Variants in ASIC2 observed in about 807,000 individuals in gnomAD.
ASIC2 encodes acid sensing ion channel subunit 2.
Under a neutral mutation model 57.3 loss-of-function variants are expected in ASIC2, and 25 were observed. The ratio of observed to expected loss-of-function variants is 0.44; its 90% CI spans 0.32 to 0.61. The LOEUF is 0.61. Ranked by LOEUF, ASIC2 falls within the 20% of genes least tolerant of loss-of-function variation. ASIC2 has a pLI of 0.06. For synonymous variants in ASIC2, 319 were observed against 307.5 expected, an observed-to-expected ratio of 1.04 and a Z score of -0.39; for missense variants, 641 against 738.1, an observed-to-expected ratio of 0.87 and a Z score of 1.52.
At chr17:33,646,655 AT>A (rs1906750752) in intron 1 of ASIC2, among the ~76,000 whole-genome samples, 1 of 152,270 alleles carries the variant, frequency 6.6e-6, no homozygotes, top group Admixed American at 6.5e-5. Context: ...AAACATGTAC[AT>A]TTTACTACTT....
At chr17:33,520,818 CCT>C (rs577412871) in intron 1 of ASIC2, among the ~76,000 whole-genome samples, 410 of 152,302 alleles carry the variant, frequency 2.7e-3, no homozygotes, top group Middle Eastern at 0.01. Flanking sequence ...TGGGAATCTG[CCT>C]CTTCCCCAGG....
intron 1 of ASIC2, among the ~76,000 whole-genome samples, chr17:34,104,787 C>A (rs760909098): frequency 2.8e-4 from 43 of 151,648 alleles, no homozygotes; most frequent in African/African-American, 3.6e-4. Flanking sequence ...AAATGTTGAA[C>A]CAAACTTGTA....
chr17:33,096,365 C>T (rs576693354), intron 2 of ASIC2, among the ~76,000 whole-genome samples: 2 of 152,326 alleles, frequency 1.3e-5, no homozygotes, highest in East Asian at 1.9e-4. Flanking sequence ...CTTTGCCTGG[C>T]TGGCTTGGAG....
chr17:33,665,004 A>C (rs929785174), intron 1 of ASIC2, among the ~76,000 whole-genome samples: 1 of 152,168 alleles, frequency 6.6e-6, no homozygotes, highest in Non-Finnish European at 1.5e-5. Flanking sequence ...ATCCAAGCAT[A>C]TAATATCATT....
At chr17:34,112,966 T>C (rs757228570) in intron 1 of ASIC2, among the ~76,000 whole-genome samples, 5 of 152,196 alleles carry the variant, frequency 3.3e-5, no homozygotes, top group Admixed American at 2.0e-4. Flanking sequence ...GTCAAGTAGA[T>C]TGGGGAGTGA....
At chr17:33,877,940 T>C (rs1406746972) in intron 1 of ASIC2, among the ~76,000 whole-genome samples, 4 of 152,202 alleles carry the variant, frequency 2.6e-5, no homozygotes, top group Admixed American at 2.6e-4. Context: ...CAGCAACATT[T>C]GCTGTTCAAC....
chr17:33,738,949 G>A (rs1482599602), intron 1 of ASIC2, among the ~76,000 whole-genome samples: 1 of 152,166 alleles, frequency 6.6e-6, no homozygotes, highest in Admixed American at 6.5e-5. Context: ...AAGTTTCCAA[G>A]GAAGAAAAGA....
chr17:33,159,058 C>T (rs1343385684), intron 1 of ASIC2, among the ~76,000 whole-genome samples: 3 of 152,182 alleles, frequency 2.0e-5, no homozygotes, highest in Non-Finnish European at 4.4e-5. Flanking sequence ...TGGTTACCAG[C>T]GAGAGCATTG....
At chr17:34,061,629 C>T (rs551971725) in intron 1 of ASIC2, among the ~76,000 whole-genome samples, 6 of 152,082 alleles carry the variant, frequency 3.9e-5, no homozygotes, top group Non-Finnish European at 8.8e-5. Context: ...CTTTAGGAGA[C>T]TCACATAACA....
chr17:33,985,932 A>G (rs1195876163), intron 1 of ASIC2, among the ~76,000 whole-genome samples: 1 of 152,162 alleles, frequency 6.6e-6, no homozygotes, highest in Non-Finnish European at 1.5e-5. Context: ...TCTGCCTGAA[A>G]CATTCTCTGA....
At chr17:34,133,070 T>C (rs915602563) in intron 1 of ASIC2, among the ~76,000 whole-genome samples, 10 of 152,212 alleles carry the variant, frequency 6.6e-5, no homozygotes, top group African/African-American at 2.4e-4. Context: ...ACCAAGTATT[T>C]ATTACTTACT....
intron 1 of ASIC2, among the ~76,000 whole-genome samples, chr17:33,656,426 A>G (rs891837052): frequency 6.6e-6 from 1 of 152,118 alleles, no homozygotes. Context: ...TTGTCCCCCA[A>G]CATTGCAAAT....
intron 1 of ASIC2, among the ~76,000 whole-genome samples, chr17:33,927,580 G>A (rs188509182): frequency 2.5e-4 from 38 of 152,248 alleles, no homozygotes; most frequent in Middle Eastern, 3.4e-3. Context: ...CCCAGCCTTC[G>A]GGACTGTGAG....
intron 1 of ASIC2, among the ~76,000 whole-genome samples, chr17:33,137,987 T>C (rs2092372706): frequency 6.6e-6 from 1 of 152,152 alleles, no homozygotes; most frequent in Non-Finnish European, 1.5e-5. Context: ...CTAACTTGGA[T>C]TTCCGGTGAC....
intron 1 of ASIC2, among the ~76,000 whole-genome samples, chr17:33,559,403 T>C (rs916298540): frequency 5.3e-5 from 8 of 152,226 alleles, no homozygotes; most frequent in African/African-American, 1.7e-4. Context: ...ATGCTCTATA[T>C]GGGCTCTGCC....
chr17:34,064,009 G>A (rs1033302551), intron 1 of ASIC2, among the ~76,000 whole-genome samples: 1 of 152,030 alleles, frequency 6.6e-6, no homozygotes, highest in African/African-American at 2.4e-5. Context: ...ATTCTTCACA[G>A]AATTAGAAGA....
chr17:33,467,370 G>A (rs1432436295), intron 1 of ASIC2, among the ~76,000 whole-genome samples: 4 of 152,172 alleles, frequency 2.6e-5, no homozygotes, highest in Non-Finnish European at 5.9e-5. Flanking sequence ...CTTGGGGTAG[G>A]TTATGTAAAC....
At chr17:33,493,830 A>C (rs1339652042) in intron 1 of ASIC2, among the ~76,000 whole-genome samples, 2 of 152,142 alleles carry the variant, frequency 1.3e-5, no homozygotes, top group East Asian at 3.9e-4. Flanking sequence ...CACAAAACTC[A>C]AAAAGGATGA....
chr17:33,228,903 C>G (rs1907985894), intron 1 of ASIC2, among the ~76,000 whole-genome samples: 1 of 152,210 alleles, frequency 6.6e-6, no homozygotes, highest in Non-Finnish European at 1.5e-5. Flanking sequence ...CCTCCAGGAG[C>G]TGGATCTCAG....
Sources: gnomAD v4.1 joint callset for allele counts (sites outside exome capture counted in the v4.1 genomes callset) on GRCh38, gnomAD v4.1.1 for gene constraint, MANE v1.5 for transcripts, NCBI Gene and HGNC (gene_info 2026-07-23, HGNC 2026-07-21) for gene names.